The following CDC5L variants were observed in gnomAD, a reference collection of about 807,000 sequenced individuals.
CDC5L encodes the protein cell division cycle 5-like protein.
Under a neutral mutation model 104.1 loss-of-function variants are expected in CDC5L, and 18 were observed. The observed-to-expected ratio is 0.17, with a 90% CI of 0.12 to 0.26. The LOEUF (loss-of-function observed/expected upper bound fraction) is 0.26, where lower values mean the gene tolerates loss of function less well. Among genes scored for constraint, CDC5L ranks in the 10% least tolerant of loss-of-function variants. The pLI is 1.00. For synonymous variants in CDC5L, 331 were observed against 322.7 expected, an observed-to-expected ratio of 1.03 and a Z score of -0.28; for missense variants, 673 against 956.9, an observed-to-expected ratio of 0.70 and a Z score of 3.91.
intron 9 of CDC5L, 121 bp downstream of exon 9, chr6:44,419,718 C>A (rs1418926975): frequency 4.0e-6 from 3 of 743,602 alleles, no homozygotes; most frequent in Non-Finnish European, 6.8e-6. Context: ...TCTTTGATTT[C>A]TTCTTCATAG....
chr6:44,392,734 C>A lies in CDC5L; in HGVS notation c.217C>A (p.His73Asn). ...WSREEEEKLL[H>N]LAKLMPTQWR... The stretch of plus-strand genomic sequence containing the variant: ...CAGAGAAGAAGAGGAAAAACTCTTG[C>A]ACTTGGCCAAGTTGATGCCAACTCA... Residue 73 changes from histidine to asparagine, a missense_variant, in exon 3 of 16, where the codon CAC (histidine) becomes AAC (asparagine). His to Asn is a moderately conservative substitution (Grantham distance 68, BLOSUM62 1). This residue lies in a region of CDC5L where 74 missense variants were observed against 123.5 expected (regional missense o/e 0.60). Transcript: ENST00000371477. The A allele has an allele frequency of 6.2e-7, 1 of 1,614,130 alleles. No individual in the cohort carries two copies. The highest frequency in any genetic ancestry group is 8.5e-7 in the Non-Finnish European group (1 of 1,179,988).
chr6:44,387,992 G>A (rs1284679012), intron 1 of CDC5L, 124 bp downstream of exon 1: 4 of 851,862 alleles, frequency 4.7e-6, no homozygotes, highest in Non-Finnish European at 7.3e-6. Context: ...CAGCCCGGGG[G>A]CTGACCCTTG....
Position 44,447,945 on chromosome 6 carries a change from TTAAAG to T in CDC5L, c.*1237_*1241del, listed in dbSNP as rs1288494886. On this transcript the variant is annotated 3_prime_UTR_variant, in exon 16 of 16. Transcript: ENST00000371477. ...TGAGTTTTAGATTCTGTGGAGGAAA[TTAAAG>T]TAGGGTGATTATGAGATAGTGAATG... 2 of 151,938 alleles carry T rather than the reference TTAAAG, an allele frequency of 1.3e-5. No individual in the cohort carries two copies. Among genetic ancestry groups the T allele is most frequent in the Non-Finnish European group, 2.9e-5 (2 of 67,976 alleles). 9.4% of individuals were successfully genotyped at this position (151,938 alleles called of 1,614,324 possible).
intron 14 of CDC5L, among the ~76,000 whole-genome samples, chr6:44,433,203 T>C (rs1035670194): frequency 6.6e-6 from 1 of 152,174 alleles, no homozygotes; most frequent in Non-Finnish European, 1.5e-5. Context: ...CTGGATACTG[T>C]TCTAGGTCCT....
At chr6:44,436,180 C>T (rs1792929236) in intron 14 of CDC5L, among the ~76,000 whole-genome samples, 1 of 152,192 alleles carries the variant, frequency 6.6e-6, no homozygotes, top group Non-Finnish European at 1.5e-5. Context: ...AATGGGAATT[C>T]TCCTCCCATG....
chr6:44,429,421 C>A (rs1236399643), intron 13 of CDC5L, among the ~76,000 whole-genome samples: 1 of 152,128 alleles, frequency 6.6e-6, no homozygotes, highest in Non-Finnish European at 1.5e-5. Flanking sequence ...TAGTTTCTCA[C>A]ACACACAATA....
intron 14 of CDC5L, among the ~76,000 whole-genome samples, chr6:44,439,501 GTGT>G (rs201017938): frequency 0.013 from 1,917 of 152,236 alleles, 24 homozygotes; most frequent in Middle Eastern, 0.058. Flanking sequence ...GGTCCAGTGT[GTGT>G]TGTTTGGTCT....
intron 12 of CDC5L, 111 bp downstream of exon 12, chr6:44,426,294 A>G: frequency 2.4e-6 from 2 of 817,912 alleles, no homozygotes; most frequent in Non-Finnish European, 3.9e-6. Flanking sequence ...ACTTTCTGGA[A>G]TATAGCAAAG....
At chr6:44,400,793 C>T (rs1044923093) in intron 5 of CDC5L, among the ~76,000 whole-genome samples, 8 of 152,198 alleles carry the variant, frequency 5.3e-5, no homozygotes, top group South Asian at 2.1e-4. Flanking sequence ...GTTTGGGCAG[C>T]GCTCTCTTTG....
At chr6:44,415,197 G>T (rs1219582732) in intron 8 of CDC5L, among the ~76,000 whole-genome samples, 1 of 152,148 alleles carries the variant, frequency 6.6e-6, no homozygotes, top group East Asian at 1.9e-4. Context: ...ATCCTTTTGT[G>T]TTTTTAATAG....
At chr6:44,436,679 A>G (rs1230117959) in intron 14 of CDC5L, among the ~76,000 whole-genome samples, 1 of 152,200 alleles carries the variant, frequency 6.6e-6, no homozygotes, top group Non-Finnish European at 1.5e-5. Context: ...CAGCTATGAC[A>G]GTCATCAATC....
chr6:44,402,099 G>A (rs974048430), intron 5 of CDC5L, among the ~76,000 whole-genome samples: 5 of 143,072 alleles, frequency 3.5e-5, no homozygotes, highest in Non-Finnish European at 7.6e-5. Flanking sequence ...ATTGTGAATA[G>A]TGCCGCAGTA....
At position 44,447,347 on chromosome 6, in the gene CDC5L, G is replaced by C. The variant is rs1227245982; in HGVS notation, c.*636G>C. On this transcript the variant is annotated 3_prime_UTR_variant, in exon 16 of 16. Transcript: ENST00000371477. ...ATAATTTATGGGTCAGGGCTTAAAA[G>C]ATTTAACTTCCTTGCCCCATTATTT... 6.6e-6 allele frequency: 1 copy of C among 152,036 alleles called. No homozygotes were observed. Among genetic ancestry groups the C allele is most frequent in the Non-Finnish European group, 1.5e-5 (1 of 67,998 alleles). The allele number at this position is 152,036 out of a possible 1,614,324, so 9.4% of individuals were successfully genotyped here. A position where few individuals can be genotyped will look rare whatever the true frequency, so the allele number is the denominator to read the frequency against.
chr6:44,424,302 T>G (rs1792319788), intron 10 of CDC5L, 117 bp from the exon 11 acceptor site: 2 of 842,828 alleles, frequency 2.4e-6, no homozygotes, highest in African/African-American at 1.7e-5. Context: ...TATTTTAAAA[T>G]GTACAGTTAT....
At chr6:44,422,458 T>C (rs1272981458) in intron 9 of CDC5L, among the ~76,000 whole-genome samples, 189 bp from the exon 10 acceptor site, 1 of 152,130 alleles carries the variant, frequency 6.6e-6, no homozygotes, top group African/African-American at 2.4e-5. Flanking sequence ...AAAATAAAAA[T>C]ACCATGCTAG....
chr6:44,398,951 A>G (rs1353565350), intron 5 of CDC5L, among the ~76,000 whole-genome samples: 5 of 152,168 alleles, frequency 3.3e-5, no homozygotes, highest in Non-Finnish European at 7.3e-5. Context: ...CATTTTTGTC[A>G]TACTGCTTTT....
chr6:44,398,631 C>T (rs1176663522), intron 5 of CDC5L, among the ~76,000 whole-genome samples: 1 of 152,026 alleles, frequency 6.6e-6, no homozygotes, highest in Non-Finnish European at 1.5e-5. Flanking sequence ...CACATTTTTC[C>T]TTCTAGTATT....
chr6:44,393,633 T>C lies in CDC5L; in HGVS notation c.439+60T>C, dbSNP rs1790722343. ...TAACTGTAAACTCCTTGGGCCTCAC[T>C]CTTTTAGTTCCTTTCTGAACTCCTC... On this transcript the variant is annotated intron_variant, in intron 4 of 15. Transcript: ENST00000371477. The C allele has an allele frequency of 2.0e-6, 3 of 1,515,934 alleles. No individual in the cohort carries two copies. The East Asian group carries it at 7.0e-5, about 35-fold the overall frequency. 93.9% of individuals were successfully genotyped at this position (1,515,934 alleles called of 1,614,324 possible). A position where few individuals can be genotyped will look rare whatever the true frequency, so the allele number is the denominator to read the frequency against.
chr6:44,392,734 C>G lies in CDC5L; in HGVS notation c.217C>G (p.His73Asp), dbSNP rs1331709978. 1.2e-6 allele frequency: 2 copies of G among 1,614,130 alleles called. No homozygotes were observed. The highest frequency in any genetic ancestry group is 1.7e-6 in the Non-Finnish European group (2 of 1,179,988). Reference sequence around the variant, plus strand: ...CAGAGAAGAAGAGGAAAAACTCTTGCACTTGGCCAAGTTGATGCCAACTCA... The same window carrying G: ...CAGAGAAGAAGAGGAAAAACTCTTGGACTTGGCCAAGTTGATGCCAACTCA... ...WSREEEEKLL[H>D]LAKLMPTQWR... The change falls in exon 3 of 16, where the codon CAC becomes GAC. Residue 73 changes from histidine to aspartate, a missense_variant. By Grantham distance (81) the His-to-Asp change is moderately conservative. Around this residue, in one of 4 missense-constraint regions of CDC5L, gnomAD observed 74 missense variants for 123.5 expected, o/e 0.60. Transcript: ENST00000371477.
Sources: allele counts gnomAD v4.1 joint callset (sites outside exome capture counted in the v4.1 genomes callset), GRCh38; gene constraint gnomAD v4.1.1; regional missense constraint gnomAD v4.1.1; transcripts MANE v1.5; gene names NCBI Gene and HGNC (gene_info 2026-07-23, HGNC 2026-07-21).